Variants in KCNIP4 observed in about 807,000 individuals in gnomAD.
KCNIP4 encodes the protein potassium voltage-gated channel interacting protein 4, also known as Kv channel-interacting protein 4.
In KCNIP4, 12 loss-of-function variants were observed where a neutral mutation model predicts 34.0. That is an observed-to-expected ratio of 0.35 (90% confidence interval 0.23 to 0.57). KCNIP4 has a LOEUF of 0.57. KCNIP4 is among the 20% of genes least tolerant of loss of function. The pLI, the probability that KCNIP4 is intolerant of heterozygous loss-of-function variation, is 0.83. For synonymous variants in KCNIP4, 124 were observed against 102.2 expected (o/e 1.21, Z -1.29); for missense variants, 238 against 311.7 (o/e 0.76, Z 1.78).
intron 1 of KCNIP4, among the ~76,000 whole-genome samples, chr4:21,017,219 G>A (rs1181703297): frequency 1.3e-5 from 2 of 152,188 alleles, no homozygotes; most frequent in Non-Finnish European, 2.9e-5. Context: ...CAGGATACAT[G>A]TGCAGGATAT....
chr4:20,848,365 G>T (rs939590674), intron 3 of KCNIP4, among the ~76,000 whole-genome samples: 2 of 151,622 alleles, frequency 1.3e-5, no homozygotes, highest in Non-Finnish European at 2.9e-5. Context: ...GTGAAAAAAA[G>T]GAAAGCAAGG....
intron 2 of KCNIP4, among the ~76,000 whole-genome samples, chr4:20,863,859 C>G (rs914937297): frequency 6.6e-6 from 1 of 151,754 alleles, no homozygotes; most frequent in Non-Finnish European, 1.5e-5. Flanking sequence ...GAAGTTAAAA[C>G]GAAGGAAGAA....
At chr4:21,480,210 T>A (rs1731309383) in intron 1 of KCNIP4, among the ~76,000 whole-genome samples, 1 of 151,918 alleles carries the variant, frequency 6.6e-6, no homozygotes, top group African/African-American at 2.4e-5. Flanking sequence ...TGAAACCAAA[T>A]TTCCAAAAAC....
intron 1 of KCNIP4, among the ~76,000 whole-genome samples, chr4:21,324,488 C>T (rs1341340031): frequency 4.6e-5 from 7 of 151,962 alleles, no homozygotes; most frequent in Admixed American, 1.3e-4. Context: ...TTCCCAGCAC[C>T]ATTTATGGAA....
chr4:21,859,494 G>T (rs1034843066), intron 1 of KCNIP4, among the ~76,000 whole-genome samples: 6 of 152,050 alleles, frequency 3.9e-5, no homozygotes, highest in Admixed American at 3.3e-4. Flanking sequence ...CGGGCGTGGT[G>T]GTGGGTGCCT....
rs546322038 is a variant in KCNIP4, at chr4:21,933,503, C to A, written c.61+15068G>T. Among the ~76,000 whole-genome samples, 3 of 152,132 alleles carry A rather than the reference C, an allele frequency of 2.0e-5. No individual in the cohort carries two copies. In the South Asian group the frequency reaches 6.2e-4, roughly 32 times the overall value. On this transcript the variant is annotated intron_variant, in intron 1 of 8. Transcript: ENST00000382152. ...TTCTGACTTATAAAACATATTAAGTCTTTTTCCCATATGTTCCTATAGCCT... is the reference window on the plus strand; with the variant it reads ...TTCTGACTTATAAAACATATTAAGTATTTTTCCCATATGTTCCTATAGCCT...
At chr4:21,863,954 C>G (rs1725260697) in intron 1 of KCNIP4, among the ~76,000 whole-genome samples, 1 of 128,322 alleles carries the variant, frequency 7.8e-6, no homozygotes, top group Non-Finnish European at 1.9e-5. Context: ...TTTGCTTTAA[C>G]ACAAAAACAA....
chr4:21,506,545 A>T (rs965701116), intron 1 of KCNIP4, among the ~76,000 whole-genome samples: 30 of 152,346 alleles, frequency 2.0e-4, no homozygotes, highest in Non-Finnish European at 2.6e-4. Context: ...ACAACCCTGG[A>T]TATATTTATT....
chr4:20,924,627 TGTCCTCATTA>T lies in KCNIP4; in HGVS notation c.62-41928_62-41919del, dbSNP rs200883717. 1.1e-3 allele frequency among the ~76,000 whole-genome samples: 167 copies of T among 152,342 alleles called. 1 individual carries two copies. In the East Asian group the frequency reaches 0.019, roughly 17 times the overall value. ...GTTTCTAAGCCTCTGTAAACTATAATGTCCTCATTAGTAAGCATATATGTCAAAATGCTTA... is the reference window on the plus strand; with the variant it reads ...GTTTCTAAGCCTCTGTAAACTATAATGTAAGCATATATGTCAAAATGCTTA... On this transcript the variant is annotated intron_variant, in intron 1 of 8. Transcript: ENST00000382152.
intron 1 of KCNIP4, among the ~76,000 whole-genome samples, chr4:21,696,749 A>G (rs1399862680): frequency 1.3e-5 from 2 of 152,184 alleles, no homozygotes; most frequent in African/African-American, 4.8e-5. Context: ...TTCTATTTCA[A>G]TCATGAAAAT....
intron 1 of KCNIP4, among the ~76,000 whole-genome samples, chr4:21,532,371 T>C (rs934993660): frequency 6.6e-6 from 1 of 152,202 alleles, no homozygotes. Flanking sequence ...TATTTTGTAG[T>C]GATGTTCATG....
At chr4:21,220,629 A>T (rs2108998566) in intron 1 of KCNIP4, among the ~76,000 whole-genome samples, 1 of 152,184 alleles carries the variant, frequency 6.6e-6, no homozygotes, top group South Asian at 2.1e-4. Context: ...TAGGTTCAAA[A>T]CTAAACCTTT....
chr4:21,767,648 C>A (rs148188939), intron 1 of KCNIP4, among the ~76,000 whole-genome samples: 4 of 151,894 alleles, frequency 2.6e-5, no homozygotes, highest in Non-Finnish European at 5.9e-5. Flanking sequence ...TGAAAGAAAA[C>A]TTACAAAAAA....
intron 1 of KCNIP4, among the ~76,000 whole-genome samples, chr4:21,227,192 A>G (rs1233856840): frequency 6.6e-6 from 1 of 152,232 alleles, no homozygotes; most frequent in African/African-American, 2.4e-5. Context: ...ATGTTGCAGT[A>G]AAGTTGGTAA....
intron 1 of KCNIP4, among the ~76,000 whole-genome samples, chr4:21,566,203 G>A (rs35067116): frequency 0.095 from 14,526 of 152,212 alleles, 799 homozygotes; most frequent in Middle Eastern, 0.19. Context: ...ATAGTGTGAA[G>A]AATGAGTTGG....
At chr4:21,054,573 C>G (rs565647230) in intron 1 of KCNIP4, among the ~76,000 whole-genome samples, 2 of 149,928 alleles carry the variant, frequency 1.3e-5, no homozygotes, top group Non-Finnish European at 3.0e-5. Flanking sequence ...AAAAAGAATT[C>G]AAAAATAGTC....
chr4:21,012,500 A>G (rs936491026), intron 1 of KCNIP4, among the ~76,000 whole-genome samples: 1 of 152,218 alleles, frequency 6.6e-6, no homozygotes, highest in Non-Finnish European at 1.5e-5. Flanking sequence ...CTAGGAGGTC[A>G]AAGTTTCAGT....
At chr4:21,552,589 T>A (rs16871386) in intron 1 of KCNIP4, among the ~76,000 whole-genome samples, 30,279 of 152,072 alleles carry the variant, frequency 0.2, 3,212 homozygotes, top group East Asian at 0.31. Flanking sequence ...TGATTAGATA[T>A]ACCCATAAAG....
chr4:21,679,983 T>G (rs1397428439), intron 1 of KCNIP4, among the ~76,000 whole-genome samples: 3 of 152,224 alleles, frequency 2.0e-5, no homozygotes. Context: ...TGCTGAAGTT[T>G]GAGGTGTCTA....
Sources: gnomAD v4.1 joint callset for allele counts (sites outside exome capture counted in the v4.1 genomes callset) on GRCh38, gnomAD v4.1.1 for gene constraint, MANE v1.5 for transcripts, NCBI Gene and HGNC (gene_info 2026-07-23, HGNC 2026-07-21) for gene names.